Variants in PTPRM observed in about 807,000 individuals in gnomAD.
The protein encoded by PTPRM is receptor-type tyrosine-protein phosphatase mu.
In PTPRM, 47 loss-of-function variants were observed where a neutral mutation model predicts 186.7. The observed-to-expected ratio is 0.25, with a 90% CI of 0.20 to 0.32. PTPRM has a LOEUF of 0.32. Ranked by LOEUF, PTPRM falls within the 10% of genes least tolerant of loss-of-function variation. PTPRM has a pLI of 1.00. For synonymous variants in PTPRM, 668 were observed against 674.9 expected (o/e 0.99, Z 0.16); for missense variants, 1,494 against 1,865.0 (o/e 0.80, Z 3.66).
chr18:7,743,282 A>T (rs975477619), intron 1 of PTPRM, among the ~76,000 whole-genome samples: 7 of 152,244 alleles, frequency 4.6e-5, no homozygotes, highest in Non-Finnish European at 8.8e-5. Context: ...TGTTGTGAGG[A>T]TGTCGTGGAA....
chr18:8,014,902 T>C (rs959491172), intron 7 of PTPRM, among the ~76,000 whole-genome samples: 5 of 152,052 alleles, frequency 3.3e-5, no homozygotes, highest in Non-Finnish European at 7.4e-5. Context: ...AATTACAGAA[T>C]TTTTTTCATG....
At chr18:8,114,129 A>G (rs2145719419) in intron 12 of PTPRM, among the ~76,000 whole-genome samples, 1 of 152,310 alleles carries the variant, frequency 6.6e-6, no homozygotes, top group Admixed American at 6.5e-5. Flanking sequence ...CTGTCTTTTC[A>G]GCATAGTCTG....
At chr18:7,588,839 A>C (rs2037049994) in intron 1 of PTPRM, among the ~76,000 whole-genome samples, 1 of 152,196 alleles carries the variant, frequency 6.6e-6, no homozygotes, top group African/African-American at 2.4e-5. Context: ...AACACCTCAC[A>C]GGGAGGAAAA....
chr18:7,639,374 T>C (rs2038392486), intron 1 of PTPRM, among the ~76,000 whole-genome samples: 1 of 148,526 alleles, frequency 6.7e-6, no homozygotes. Flanking sequence ...CCAGCCTGAC[T>C]TGTATTATTC....
chr18:8,384,466 A>G, intron 29 of PTPRM, 95 bp from the exon 30 acceptor site: 1 of 1,414,376 alleles, frequency 7.1e-7, no homozygotes. Context: ...TCTTAAAAAA[A>G]AAGGATTACT....
intron 20 of PTPRM, among the ~76,000 whole-genome samples, chr18:8,304,723 T>C (rs1000842010): frequency 6.6e-6 from 1 of 151,908 alleles, no homozygotes; most frequent in African/African-American, 2.4e-5. Flanking sequence ...GGGGAACATA[T>C]CCCAGAATCT....
At chr18:7,638,123 C>T (rs186725923) in intron 1 of PTPRM, among the ~76,000 whole-genome samples, 1 of 152,232 alleles carries the variant, frequency 6.6e-6, no homozygotes, top group Admixed American at 6.5e-5. Flanking sequence ...TAGTTGAAGT[C>T]TCACAGAGTA....
At chr18:7,650,271 A>C (rs2144267010) in intron 1 of PTPRM, among the ~76,000 whole-genome samples, 1 of 152,280 alleles carries the variant, frequency 6.6e-6, no homozygotes, top group Non-Finnish European at 1.5e-5. Context: ...TCTTGGGATA[A>C]AAGGTAGATT....
At chr18:7,686,230 C>T (rs890511412) in intron 1 of PTPRM, among the ~76,000 whole-genome samples, 5 of 152,094 alleles carry the variant, frequency 3.3e-5, no homozygotes, top group South Asian at 2.1e-4. Context: ...CAAAATGACT[C>T]GGGATGCTAT....
At chr18:7,735,815 C>T (rs1036367326) in intron 1 of PTPRM, among the ~76,000 whole-genome samples, 2 of 151,918 alleles carry the variant, frequency 1.3e-5, no homozygotes, top group Non-Finnish European at 1.5e-5. Flanking sequence ...CTTTGGCTTC[C>T]ACAACTTCCC....
chr18:8,228,692 A>T (rs1435283631), intron 14 of PTPRM, among the ~76,000 whole-genome samples: 2 of 151,068 alleles, frequency 1.3e-5, no homozygotes, highest in Non-Finnish European at 3.0e-5. Context: ...AAAAAAAAAA[A>T]AAATACAAAA....
intron 1 of PTPRM, among the ~76,000 whole-genome samples, chr18:7,646,050 C>G (rs991357392): frequency 6.6e-6 from 1 of 152,122 alleles, no homozygotes; most frequent in Non-Finnish European, 1.5e-5. Flanking sequence ...TGTGGGGAAC[C>G]CATTAAAATC....
intron 14 of PTPRM, among the ~76,000 whole-genome samples, chr18:8,225,267 A>G (rs1466353039): frequency 6.6e-6 from 1 of 152,232 alleles, no homozygotes; most frequent in Non-Finnish European, 1.5e-5. Context: ...TAAGATGACC[A>G]GTAGTGTCAT....
intron 1 of PTPRM, among the ~76,000 whole-genome samples, chr18:7,677,753 C>T (rs1053589010): frequency 3.3e-5 from 5 of 152,100 alleles, no homozygotes; most frequent in Non-Finnish European, 7.3e-5. Flanking sequence ...GCTCTGTGCC[C>T]CTTTCCTTCC....
At chr18:7,711,950 C>G (rs1239672859) in intron 1 of PTPRM, among the ~76,000 whole-genome samples, 1 of 152,144 alleles carries the variant, frequency 6.6e-6, no homozygotes, top group Non-Finnish European at 1.5e-5. Context: ...CTGAAGAGAG[C>G]AGCAAATCTC....
intron 13 of PTPRM, among the ~76,000 whole-genome samples, chr18:8,136,863 A>G (rs186027091): frequency 1.4e-3 from 218 of 152,360 alleles, no homozygotes; most frequent in Non-Finnish European, 1.9e-3. Flanking sequence ...CTGTCTCACA[A>G]TGATCTTTAA....
intron 14 of PTPRM, among the ~76,000 whole-genome samples, chr18:8,191,592 G>A (rs1026824169): frequency 2.0e-5 from 3 of 152,128 alleles, no homozygotes; most frequent in Non-Finnish European, 2.9e-5. Context: ...GTGTATGTCT[G>A]TCACCTGTGT....
chr18:8,252,741 T>C (rs2094539559), intron 18 of PTPRM, among the ~76,000 whole-genome samples: 1 of 152,250 alleles, frequency 6.6e-6, no homozygotes, highest in Non-Finnish European at 1.5e-5. Context: ...ATTTTTCCAT[T>C]CTTCTTTGAT....
At chr18:8,383,046 T>C (rs1383288267) in intron 29 of PTPRM, among the ~76,000 whole-genome samples, 1 of 151,910 alleles carries the variant, frequency 6.6e-6, no homozygotes, top group Non-Finnish European at 1.5e-5. Context: ...ACACCAGTAA[T>C]CCCAGCACTT....
Sources: gnomAD v4.1 joint callset for allele counts (sites outside exome capture counted in the v4.1 genomes callset) on GRCh38, gnomAD v4.1.1 for gene constraint, MANE v1.5 for transcripts, NCBI Gene and HGNC (gene_info 2026-07-23, HGNC 2026-07-21) for gene names.